Variants in SORCS3 observed in about 807,000 individuals in gnomAD.
SORCS3 encodes the protein VPS10 domain-containing receptor SorCS3.
Under a neutral mutation model 146.3 loss-of-function variants are expected in SORCS3, and 57 were observed. The observed-to-expected ratio is 0.39, with a 90% CI of 0.31 to 0.49. The LOEUF (loss-of-function observed/expected upper bound fraction) is 0.49. Among genes scored for constraint, SORCS3 ranks in the 20% least tolerant of loss-of-function variants. The probability of loss-of-function intolerance (pLI) is 0.92; values close to 1 mark genes in which losing one functional copy is unlikely to be tolerated. For synonymous variants in SORCS3, 653 were observed against 618.5 expected (o/e 1.06, Z -0.83); for missense variants, 1,341 against 1,575.5 (o/e 0.85, Z 2.52).
At chr10:104,758,891 T>G (rs2017089294) in intron 1 of SORCS3, among the ~76,000 whole-genome samples, 1 of 152,178 alleles carries the variant, frequency 6.6e-6, no homozygotes, top group Non-Finnish European at 1.5e-5. Context: ...TCTGAAGAAG[T>G]AGATCCTGTT....
At chr10:104,769,558 C>A (rs779362854) in intron 1 of SORCS3, among the ~76,000 whole-genome samples, 3 of 152,132 alleles carry the variant, frequency 2.0e-5, no homozygotes, top group Non-Finnish European at 2.9e-5. Context: ...AAGAAGCTGG[C>A]AAGCATTACC....
At chr10:104,732,338 G>A (rs2016715348) in intron 1 of SORCS3, among the ~76,000 whole-genome samples, 1 of 152,158 alleles carries the variant, frequency 6.6e-6, no homozygotes, top group African/African-American at 2.4e-5. Flanking sequence ...AGAAGCATGA[G>A]GTCAGGGCCA....
chr10:105,211,081 G>C, intron 16 of SORCS3, 56 bp from the exon 17 acceptor site: 1 of 1,208,730 alleles, frequency 8.3e-7, no homozygotes. Flanking sequence ...GTGTGCCTGC[G>C]GTTATTTTAG....
At chr10:104,811,955 C>G (rs182626981) in intron 1 of SORCS3, among the ~76,000 whole-genome samples, 81 of 152,146 alleles carry the variant, frequency 5.3e-4, no homozygotes, top group African/African-American at 1.9e-3. Flanking sequence ...ATCTATGCAT[C>G]TAATGAAATT....
chr10:104,933,201 G>A (rs2019225210), intron 3 of SORCS3, among the ~76,000 whole-genome samples: 3 of 152,210 alleles, frequency 2.0e-5, no homozygotes, highest in Admixed American at 2.0e-4. Context: ...CTCAGGGTAG[G>A]TAGCTCCAGG....
chr10:105,066,107 CAGAA>C (rs1427129640), intron 5 of SORCS3, among the ~76,000 whole-genome samples: 1 of 152,120 alleles, frequency 6.6e-6, no homozygotes, highest in Non-Finnish European at 1.5e-5. Context: ...AGCTAATACT[CAGAA>C]AGAGTTTTTA....
At chr10:104,751,335 A>G (rs2016981004) in intron 1 of SORCS3, among the ~76,000 whole-genome samples, 1 of 152,198 alleles carries the variant, frequency 6.6e-6, no homozygotes, top group Admixed American at 6.5e-5. Context: ...TTGGTCTCAA[A>G]TGGCATTACT....
In SORCS3 at chr10:104,960,760, C is replaced by T. The variant is rs118012047; in HGVS notation, c.796-16575C>T. Among the ~76,000 whole-genome samples, 1,177 of 152,102 alleles carry T rather than the reference C, an allele frequency of 7.7e-3. 10 individuals are homozygous for T. Among genetic ancestry groups the T allele is most frequent in the Middle Eastern group, 0.014 (4 of 294 alleles). On this transcript the variant is annotated intron_variant, in intron 3 of 26. Transcript: ENST00000369701. ...GACAAATATGTAAACCATAGCAATC[C>T]CTTAAAATATCCTAAGTTTGAGGCT...
intron 1 of SORCS3, among the ~76,000 whole-genome samples, chr10:104,836,019 T>G (rs902261299): frequency 3.8e-4 from 58 of 152,346 alleles, no homozygotes; most frequent in African/African-American, 1.4e-3. Flanking sequence ...AGGCTGGGTC[T>G]TGAGTTCAGC....
At chr10:105,073,559 G>A (rs2055570974) in intron 5 of SORCS3, among the ~76,000 whole-genome samples, 2 of 152,162 alleles carry the variant, frequency 1.3e-5, no homozygotes, top group Non-Finnish European at 1.5e-5. Flanking sequence ...TTTCCATGAG[G>A]CTACTGGTAG....
intron 2 of SORCS3, among the ~76,000 whole-genome samples, chr10:104,910,094 A>C (rs1296133452): frequency 2.0e-5 from 3 of 152,182 alleles, no homozygotes; most frequent in African/African-American, 7.2e-5. Flanking sequence ...ATGCCATAGA[A>C]TAGTCCCAAG....
intron 2 of SORCS3, among the ~76,000 whole-genome samples, chr10:104,883,976 GA>G (rs775083652): frequency 0.028 from 2,108 of 75,336 alleles, 68 homozygotes; most frequent in African/African-American, 0.19. Flanking sequence ...GCTGTGGAAT[GA>G]GGGGGGGGAA....
chr10:104,816,927 T>TA (rs1399083077), intron 1 of SORCS3, among the ~76,000 whole-genome samples: 1 of 152,162 alleles, frequency 6.6e-6, no homozygotes, highest in African/African-American at 2.4e-5. Flanking sequence ...ATACAGCTGC[T>TA]AGAGTTTGGA....
intron 3 of SORCS3, among the ~76,000 whole-genome samples, chr10:104,962,803 T>TA (rs1330765704): frequency 2.0e-5 from 3 of 152,056 alleles, no homozygotes. Flanking sequence ...GAGAAGAAAA[T>TA]AAAAAATACT....
chr10:105,012,988 A>C (rs1012102650), intron 4 of SORCS3, among the ~76,000 whole-genome samples: 5 of 152,196 alleles, frequency 3.3e-5, no homozygotes, highest in African/African-American at 1.2e-4. Flanking sequence ...TGAACCCAGC[A>C]GTGTATACAA....
rs1334284554 is a variant in SORCS3 at position 105,167,288 on chromosome 10, C to T, written c.1840C>T (p.Leu614=). 1 of 1,613,316 alleles carries T rather than the reference C, an allele frequency of 6.2e-7. No individual in the cohort carries two copies. The highest frequency in any genetic ancestry group is 1.3e-5 in the African/African-American group (1 of 74,946). ...IFDEEYNVWF[L]DWGGALVAMK... ...TGATGAAGAGTACAATGTCTGGTTC[C>T]TAGACTGGGGTGGTGCCCTCGTGGC... Residue 614 remains leucine (L), a synonymous_variant, in exon 13 of 27, where the codon CTA becomes TTA. Coordinates refer to ENST00000369701, the MANE Select transcript of SORCS3 (RefSeq NM_014978.3).
intron 14 of SORCS3, among the ~76,000 whole-genome samples, chr10:105,190,409 GT>G (rs2056508839): frequency 6.6e-6 from 1 of 151,854 alleles, no homozygotes; most frequent in East Asian, 1.9e-4. Context: ...AATATTAATT[GT>G]TATTATTATT....
intron 3 of SORCS3, among the ~76,000 whole-genome samples, chr10:104,969,633 A>T (rs2054847430): frequency 6.6e-6 from 1 of 152,202 alleles, no homozygotes; most frequent in South Asian, 2.1e-4. Context: ...ATTTCTGATG[A>T]GAATGTCAGA....
chr10:104,678,154 T>G (rs1395024300), intron 1 of SORCS3, among the ~76,000 whole-genome samples: 1 of 133,006 alleles, frequency 7.5e-6, no homozygotes, highest in African/African-American at 2.6e-5. Flanking sequence ...GAAGCAACAA[T>G]AAAGGGAGTG....
Sources: gnomAD v4.1 joint callset for allele counts (sites outside exome capture counted in the v4.1 genomes callset) on GRCh38, gnomAD v4.1.1 for gene constraint, MANE v1.5 for transcripts, NCBI Gene and HGNC (gene_info 2026-07-23, HGNC 2026-07-21) for gene names.